The following THBS3 variants were observed in gnomAD, a reference collection of about 807,000 sequenced individuals.
The protein encoded by THBS3 is thrombospondin-3.
A neutral mutation model predicts 118.3 loss-of-function variants in THBS3; 78 were observed. That is an observed-to-expected ratio of 0.66 (90% confidence interval 0.55 to 0.80). The LOEUF (loss-of-function observed/expected upper bound fraction) is 0.80, where lower values mean the gene tolerates loss of function less well. THBS3 is among the 30% of genes least tolerant of loss of function. The pLI is 0.00. For missense variants in THBS3, 1,057 were observed against 1,247.4 expected (o/e 0.85, Z 2.30); for synonymous variants, 427 against 475.3 (o/e 0.90, Z 1.32).
intron 14 of THBS3, 123 bp from the exon 15 acceptor site, chr1:155,200,236 T>A: frequency 9.4e-7 from 1 of 1,067,502 alleles, no homozygotes; most frequent in Non-Finnish European, 1.4e-6. Flanking sequence ...ATCTGCCTGT[T>A]TCTTGTCTCA....
chr1:155,203,597 T>A, intron 4 of THBS3, 58 bp from the exon 5 acceptor site: 1 of 1,602,756 alleles, frequency 6.2e-7, no homozygotes, highest in Non-Finnish European at 8.5e-7. Context: ...AGAGGCCTGG[T>A]TGGTGAGAAG....
rs776613712 is a variant in THBS3 at position 155,200,049 on chromosome 1, C to T, written c.1773G>A (p.Glu591=). The part of the protein sequence containing the change: ...VPNPLQTDRD[E]DGVGDACDSC... ...TGTCGCAAGCATCTCCCACCCCGTC[C>T]TCATCCCTGTCTGTCTGTAGTGGGT... Residue 591 remains glutamate (E), a synonymous_variant, in exon 15 of 23, where the codon GAG becomes GAA. Coordinates refer to ENST00000368378, the MANE Select transcript of THBS3 (RefSeq NM_007112.5). The T allele has an allele frequency of 1.6e-5, 26 of 1,603,604 alleles. No individual in the cohort carries two copies. The highest frequency in any genetic ancestry group is 5.4e-5 in the African/African-American group (4 of 74,666).
At chr1:155,196,235 G>A in intron 21 of THBS3, 109 bp from the exon 22 acceptor site, 1 of 1,314,836 alleles carries the variant, frequency 7.6e-7, no homozygotes, top group Non-Finnish European at 1.1e-6. Context: ...GAGCTCACCA[G>A]GCCTGAGAGA....
At chr1:155,208,250 G>A (rs984132826), upstream of THBS3, among the ~76,000 whole-genome samples, 4 of 152,198 alleles carry the variant, frequency 2.6e-5, no homozygotes, top group Non-Finnish European at 5.9e-5. Context: ...GCTAGACAGT[G>A]GGCATTATTC....
upstream of THBS3, chr1:155,207,951 C>A: frequency 7.0e-7 from 1 of 1,433,480 alleles, no homozygotes; most frequent in Non-Finnish European, 9.5e-7. Context: ...AGAGCAGGAG[C>A]CGGGGGGCGG....
chr1:155,207,772 G>A lies in THBS3; in HGVS notation c.79+26C>T, dbSNP rs773038116. On this transcript the variant is annotated intron_variant, in intron 1 of 22. Transcript: ENST00000368378. ...GCAAATGGGGAAGAAGCAGAGAGCG[G>A]TCTAAGAGGATGGAGACAGGCTTAC... 5 of 1,612,366 alleles carry A rather than the reference G, an allele frequency of 3.1e-6. No individual in the cohort carries two copies. The East Asian group carries it at 1.1e-4, about 36-fold the overall frequency.
rs1669019859 is a variant in THBS3 at position 155,198,229 on chromosome 1, A to G, written c.2075-9T>C. 1 of 1,613,412 alleles carries G rather than the reference A, an allele frequency of 6.2e-7. No individual in the cohort carries two copies. Among genetic ancestry groups the G allele is most frequent in the African/African-American group, 1.3e-5 (1 of 74,926 alleles). Reference sequence around the variant, plus strand: ...ATCACCAACGCCATTGCCTGGGCAGAGTGAGGCTGGGTGCTCAGGAAGGCC... The same window carrying G: ...ATCACCAACGCCATTGCCTGGGCAGGGTGAGGCTGGGTGCTCAGGAAGGCC... On this transcript the variant is annotated splice_polypyrimidine_tract_variant and intron_variant, in intron 17 of 22. Coordinates refer to ENST00000368378, the MANE Select transcript of THBS3 (RefSeq NM_007112.5).
Position 155,197,672 on chromosome 1 carries a change from TGG to T in THBS3, c.2303-15_2303-14del. ...AAGGCCGTGTATCCTGGGGTGGGGG[TGG>T]GATAAAGGTCAGGGGCAGCAAAGCT... On this transcript the variant is annotated splice_polypyrimidine_tract_variant and intron_variant, in intron 19 of 22. Coordinates refer to ENST00000368378, the MANE Select transcript of THBS3 (RefSeq NM_007112.5). This position sits in a 1 kb window ranked among gnomAD's most constrained non-coding sequence, Gnocchi z 5.0. 9.9e-7 allele frequency: 1 copy of T among 1,012,694 alleles called. No individual in the cohort carries two copies. The highest frequency in any genetic ancestry group is 1.4e-6 in the Non-Finnish European group (1 of 705,322). 62.7% of individuals were successfully genotyped at this position (1,012,694 alleles called of 1,614,324 possible). A position where few individuals can be genotyped will look rare whatever the true frequency, so the allele number is the denominator to read the frequency against.
Position 155,197,161 on chromosome 1 carries a change from T to C in THBS3, c.2552A>G (p.His851Arg). Residue 851 changes from histidine to arginine, a missense_variant, in exon 21 of 23, where the codon CAT becomes CGT. His to Arg is a conservative substitution (Grantham distance 29). Coordinates refer to ENST00000368378, the MANE Select transcript of THBS3 (RefSeq NM_007112.5). This position sits in a 1 kb window ranked among gnomAD's most constrained non-coding sequence, Gnocchi z 5.0. ...PGEHLRNALW[H>R]TGHTPDQVRL... ...TACCTGATCAGGGGTGTGGCCAGTATGCCACAGGGCATTTCGGAGGTGCTC... is the reference window on the plus strand; with the variant it reads ...TACCTGATCAGGGGTGTGGCCAGTACGCCACAGGGCATTTCGGAGGTGCTC... The C allele has an allele frequency of 1.9e-6, 3 of 1,614,168 alleles. No individual in the cohort carries two copies. The highest frequency in any genetic ancestry group is 2.5e-6 in the Non-Finnish European group (3 of 1,180,014).
In THBS3 at chr1:155,202,773, C is replaced by T. The variant is rs1407493275; in HGVS notation, c.957+39G>A. 2.5e-6 allele frequency: 4 copies of T among 1,578,472 alleles called. No homozygotes were observed. The highest frequency in any genetic ancestry group is 2.6e-6 in the Non-Finnish European group (3 of 1,161,168). On this transcript the variant is annotated intron_variant, in intron 8 of 22. Coordinates refer to ENST00000368378, the MANE Select transcript of THBS3 (RefSeq NM_007112.5). This position sits in a 1 kb window ranked among gnomAD's most constrained non-coding sequence, Gnocchi z 5.5. Reference sequence around the variant, plus strand: ...TTGGGTGCCTCCTGACATCCTCACCCCAGTTTTCTGTACCCTTCTGGGCTC... The same window carrying T: ...TTGGGTGCCTCCTGACATCCTCACCTCAGTTTTCTGTACCCTTCTGGGCTC...
chr1:155,199,652 G>T (rs1669344831), intron 16 of THBS3, 152 bp downstream of exon 16: 7 of 718,862 alleles, frequency 9.7e-6, no homozygotes, highest in Non-Finnish European at 1.6e-5. Flanking sequence ...CACTCAGGGA[G>T]GTTGAGGCAT....
intron 21 of THBS3, 21 bp from the exon 22 acceptor site, chr1:155,196,147 G>C: frequency 1.2e-6 from 2 of 1,613,512 alleles, no homozygotes; most frequent in Non-Finnish European, 1.7e-6. Context: ...TTCCAGGATA[G>C]GAGTATCCAT....
At chr1:155,207,714 T>A (rs1177446056) in intron 1 of THBS3, 84 bp downstream of exon 1, 2 of 1,428,564 alleles carry the variant, frequency 1.4e-6, no homozygotes, top group Non-Finnish European at 2.0e-6. Context: ...CCCTCTCCCC[T>A]TGCCCACATG....
chr1:155,197,047 T>C lies in THBS3; in HGVS notation c.2666A>G (p.Tyr889Cys). 6.2e-7 allele frequency: 1 copy of C among 1,613,526 alleles called. No individual in the cohort carries two copies. The change falls in exon 21 of 23, where the codon TAC (tyrosine) becomes TGC (cysteine). Residue 889 changes from tyrosine to cysteine, a missense_variant. Physicochemically the swap from Tyr to Cys is radical, Grantham distance 194. Coordinates refer to ENST00000368378, the MANE Select transcript of THBS3 (RefSeq NM_007112.5). The surrounding 1 kb of genome is among the most constrained non-coding windows in gnomAD (Gnocchi z 5.0). The stretch of plus-strand genomic sequence containing the variant: ...GCTCAGCCCCTCTCCTTACCGAATG[T>C]AGCCAACTTGAGGCCGGTGCAGAAG... Reference protein sequence around the residue: ...WQLLHRPQVGYIRVKLYEGPQ... With the variant: ...WQLLHRPQVGCIRVKLYEGPQ...
At position 155,195,676 on chromosome 1, in the gene THBS3, C is replaced by T. The variant is rs921158889; in HGVS notation, c.*165G>A. The T allele has an allele frequency of 4.3e-6, 3 of 691,196 alleles. No individual in the cohort carries two copies. The highest frequency in any genetic ancestry group is 1.8e-5 in the African/African-American group (1 of 55,832). 42.8% of individuals were successfully genotyped at this position (691,196 alleles called of 1,614,324 possible). On this transcript the variant is annotated 3_prime_UTR_variant, in exon 23 of 23. Transcript: ENST00000368378. ...AATACCCCTTGAAAACTTCTCATCC[C>T]CTGAAGGGTGGGGTGACCACCCCTC...
upstream of THBS3, chr1:155,208,004 G>A (rs572933306): frequency 1.1e-4 from 43 of 399,352 alleles, no homozygotes; most frequent in Admixed American, 2.5e-4. Flanking sequence ...GGTGAGGGGG[G>A]GCTGAAACAA....
chr1:155,197,653 G>A lies in THBS3; in HGVS notation c.2309C>T (p.Thr770Met), dbSNP rs757990405. 31 of 1,208,238 alleles carry A rather than the reference G, an allele frequency of 2.6e-5. No individual in the cohort carries two copies. Among genetic ancestry groups the A allele is most frequent in the South Asian group, 6.0e-5 (5 of 83,174 alleles). The allele number at this position is 1,208,238 out of a possible 1,614,324, so 74.8% of individuals were successfully genotyped here. A position where few individuals can be genotyped will look rare whatever the true frequency, so the allele number is the denominator to read the frequency against. ...NSDPGLAVGY[T>M]AFNGVDFEGT... is the part of the protein sequence containing the mutation. ...TTCAAAGTCCACACCATTGAAGGCC[G>A]TGTATCCTGGGGTGGGGGTGGGATA... The change falls in exon 20 of 23, where the codon ACG becomes ATG. Residue 770 changes from threonine (T) to methionine (M), a missense_variant. Around this residue, in one of 3 missense-constraint regions of THBS3, gnomAD observed 307 missense variants for 326.1 expected, o/e 0.94. Transcript: ENST00000368378. The surrounding 1 kb of genome is among the most constrained non-coding windows in gnomAD (Gnocchi z 5.0).
At chr1:155,208,156 G>T (rs1039246944), upstream of THBS3, among the ~76,000 whole-genome samples, 2 of 152,060 alleles carry the variant, frequency 1.3e-5, no homozygotes, top group African/African-American at 4.8e-5. Flanking sequence ...TCATTGTTGG[G>T]GGTCTCGGCA....
At position 155,200,020 on chromosome 1, in the gene THBS3, C is replaced by A; in HGVS notation, c.1802G>T (p.Cys601Phe). Reference protein sequence around the residue: ...EDGVGDACDSCPEMSNPTQTD... With the variant: ...EDGVGDACDSFPEMSNPTQTD... ...CTGGGTAGGATTGCTCATTTCAGGG[C>A]AGCTGTCGCAAGCATCTCCCACCCC... The change falls in exon 15 of 23, where the codon TGC becomes TTC. Residue 601 changes from cysteine to phenylalanine, a missense_variant. Around this residue, in one of 3 missense-constraint regions of THBS3, gnomAD observed 544 missense variants for 715.6 expected, o/e 0.76. Transcript: ENST00000368378. The A allele has an allele frequency of 6.2e-7, 1 of 1,601,064 alleles. No individual in the cohort carries two copies.
Sources: allele counts gnomAD v4.1 joint callset (sites outside exome capture counted in the v4.1 genomes callset), GRCh38; gene constraint gnomAD v4.1.1; regional missense constraint gnomAD v4.1.1; non-coding constraint Gnocchi (gnomAD v3.1); transcripts MANE v1.5; gene names NCBI Gene and HGNC (gene_info 2026-07-23, HGNC 2026-07-21).